The following SLC4A2 variants were observed in gnomAD, a reference collection of about 807,000 sequenced individuals.
SLC4A2 encodes the protein solute carrier family 4 member 2.
In SLC4A2, 36 loss-of-function variants were observed where a neutral mutation model predicts 115.0. That is an observed-to-expected ratio of 0.31 (90% CI 0.24 to 0.41). The LOEUF (loss-of-function observed/expected upper bound fraction) is 0.41. Ranked by LOEUF, SLC4A2 falls within the 10% of genes least tolerant of loss-of-function variation. SLC4A2 has a pLI of 1.00. For missense variants in SLC4A2, 1,252 were observed against 1,705.6 expected, an observed-to-expected ratio of 0.73 and a Z score of 4.68; for synonymous variants, 708 against 708.3, an observed-to-expected ratio of 1.00 and a Z score of 0.01.
Position 151,076,072 on chromosome 7 carries a change from C to G in SLC4A2, c.3531C>G (p.Leu1177=), listed in dbSNP as rs760149951. Residue 1177 remains leucine (L), a synonymous_variant, in exon 22 of 23, where the codon CTC becomes CTG. Coordinates refer to ENST00000413384, the MANE Select transcript of SLC4A2 (RefSeq NM_003040.4). ...TGCAGCTGCTCTGCCTGGCCCTGCT[C>G]TGGGCCGTCATGTCCACAGCTGCCT... The part of the protein sequence containing the change: ...TALQLLCLAL[L]WAVMSTAASL... The G allele has an allele frequency of 6.8e-6, 11 of 1,611,772 alleles. No individual in the cohort carries two copies. In the South Asian group the frequency reaches 1.1e-4, roughly 16 times the overall value.
intron 11 of SLC4A2, 23 bp downstream of exon 11, chr7:151,070,594 AG>A (rs759872526): frequency 1.8e-4 from 288 of 1,606,846 alleles, no homozygotes; most frequent in Non-Finnish European, 2.2e-4. Context: ...GGTCACATGT[AG>A]GGGGCTTGGT....
In SLC4A2 at chr7:151,076,076, G is replaced by A. The variant is rs1256884361; in HGVS notation, c.3535G>A (p.Ala1179Thr). The change falls in exon 22 of 23, where the codon GCC becomes ACC. Residue 1179 changes from alanine to threonine, a missense_variant. Physicochemically the swap from Ala to Thr is moderately conservative, Grantham distance 58. Transcript: ENST00000413384. Reference protein sequence around the residue: ...LQLLCLALLWAVMSTAASLAF... With the variant: ...LQLLCLALLWTVMSTAASLAF... The stretch of plus-strand genomic sequence containing the variant: ...GCTGCTCTGCCTGGCCCTGCTCTGG[G>A]CCGTCATGTCCACAGCTGCCTCCCT... 6.2e-7 allele frequency: 1 copy of A among 1,611,598 alleles called. No homozygotes were observed.
chr7:151,060,678 C>T lies in SLC4A2; in HGVS notation c.-64+916C>T, dbSNP rs1797015209. On this transcript the variant is annotated intron_variant, in intron 1 of 22. Coordinates refer to ENST00000413384, the MANE Select transcript of SLC4A2 (RefSeq NM_003040.4). The surrounding 1 kb of genome is among the most constrained non-coding windows in gnomAD (Gnocchi z 5.9). ...GGCGCCTGCAGGTGCTCTGGGCGGA[C>T]TCTCCCCACACCCTTCCCAGACTGG... is the stretch of plus-strand genomic sequence containing the variant. Among the ~76,000 whole-genome samples the T allele has an allele frequency of 6.6e-6, 1 of 152,134 alleles. No homozygotes were observed. The highest frequency in any genetic ancestry group is 6.5e-5 in the Admixed American group (1 of 15,278).
At chr7:151,065,235 C>G (rs1166233214) in intron 5 of SLC4A2, among the ~76,000 whole-genome samples, 2 of 152,182 alleles carry the variant, frequency 1.3e-5, no homozygotes, top group Non-Finnish European at 2.9e-5. Flanking sequence ...TTTAGCCTGG[C>G]AAAGAACACG....
At chr7:151,072,162 G>A (rs1472656967) in intron 16 of SLC4A2, 26 bp downstream of exon 16, 1 of 1,598,298 alleles carries the variant, frequency 6.3e-7, no homozygotes, top group South Asian at 1.1e-5. Flanking sequence ...CCGAGAGCTG[G>A]GCCAGGAGGG....
At position 151,064,870 on chromosome 7, in the gene SLC4A2, G is replaced by A. The variant is rs775316823; in HGVS notation, c.482G>A (p.Ser161Asn). ...CAGTTCTTTCTCCAAGAGGATGACA[G>A]TGCTGACCGGAAGGCAGAGAGGACC... ...SVQFFLQEDD[S>N]ADRKAERTSP... Residue 161 changes from serine to asparagine, a missense_variant, in exon 5 of 23, where the codon AGT becomes AAT. Ser to Asn is a conservative substitution (Grantham distance 46). Coordinates refer to ENST00000413384, the MANE Select transcript of SLC4A2 (RefSeq NM_003040.4). The A allele has an allele frequency of 4.3e-6, 7 of 1,613,892 alleles. No homozygotes were observed. The highest frequency in any genetic ancestry group is 1.1e-5 in the South Asian group (1 of 91,088).
chr7:151,067,879 T>C lies in SLC4A2; in HGVS notation c.972T>C (p.Phe324=). ...CCTTCTCTTCTCTCCCCAAGGTGTTTGTGGAGCTGAATGAGTTGCTCCTGG... is the reference window on the plus strand; with the variant it reads ...CCTTCTCTTCTCTCCCCAAGGTGTTCGTGGAGCTGAATGAGTTGCTCCTGG... ...PRAPHKPHEV[F]VELNELLLDK... The change falls in exon 8 of 23, where the codon TTT becomes TTC. Residue 324 remains phenylalanine, a synonymous_variant. Coordinates refer to ENST00000413384, the MANE Select transcript of SLC4A2 (RefSeq NM_003040.4). The C allele has an allele frequency of 6.2e-7, 1 of 1,612,254 alleles. No homozygotes were observed. The highest frequency in any genetic ancestry group is 1.1e-5 in the South Asian group (1 of 90,788).
rs895374425 is a variant in SLC4A2, at chr7:151,064,315, G to A, written c.165G>A (p.Gly55=). ...ERFEEILQEA[G]SRGGEEPGRS... ...TTGAGGAGATCCTACAGGAGGCCGG[G>A]TCTCGTGGAGGGGAGGAGCCAGGCC... The change falls in exon 3 of 23, where the codon GGG becomes GGA. Residue 55 remains glycine, a synonymous_variant. Transcript: ENST00000413384. The A allele has an allele frequency of 1.3e-5, 21 of 1,610,534 alleles. No individual in the cohort carries two copies. The highest frequency in any genetic ancestry group is 1.2e-4 in the Admixed American group (7 of 59,758).
Position 151,060,628 on chromosome 7 carries a change from G to T in SLC4A2, c.-64+866G>T, listed in dbSNP as rs1797013461. Among the ~76,000 whole-genome samples the T allele has an allele frequency of 1.3e-5, 2 of 152,160 alleles. No individual in the cohort carries two copies. Among genetic ancestry groups the T allele is most frequent in the South Asian group, 2.1e-4 (1 of 4,830 alleles). On this transcript the variant is annotated intron_variant, in intron 1 of 22. Transcript: ENST00000413384. The surrounding 1 kb of genome is among the most constrained non-coding windows in gnomAD (Gnocchi z 5.9). Reference sequence around the variant, plus strand: ...GCAGAGGAGTGTGGAGGAGCGCGACGAGGGCACAGCCTGAGGTGGGAGTGG... The same window carrying T: ...GCAGAGGAGTGTGGAGGAGCGCGACTAGGGCACAGCCTGAGGTGGGAGTGG...
At position 151,071,827 on chromosome 7, in the gene SLC4A2, C is replaced by G; in HGVS notation, c.2330C>G (p.Ala777Gly). ...FSGPLLVFEE[A>G]FFSFCSSNHL... is the part of the protein sequence containing the mutation. ...GGGCCCCTGCTGGTCTTTGAGGAGG[C>G]CTTCTTCTCGGTGAGGGCTCTTCTC... Residue 777 changes from alanine to glycine, a missense_variant, in exon 15 of 23, where the codon GCC becomes GGC. Coordinates refer to ENST00000413384, the MANE Select transcript of SLC4A2 (RefSeq NM_003040.4). The surrounding 1 kb of genome is among the most constrained non-coding windows in gnomAD (Gnocchi z 5.5). The G allele has an allele frequency of 1.2e-6, 2 of 1,602,712 alleles. No individual in the cohort carries two copies. The highest frequency in any genetic ancestry group is 2.2e-5 in the South Asian group (2 of 90,520).
Position 151,076,427 on chromosome 7 carries a change from T to A in SLC4A2, c.*60T>A. The A allele has an allele frequency of 1.6e-5, 20 of 1,267,280 alleles. No homozygotes were observed. The highest frequency in any genetic ancestry group is 1.9e-5 in the Non-Finnish European group (18 of 943,666). The allele number at this position is 1,267,280 out of a possible 1,614,324, so 78.5% of individuals were successfully genotyped here. ...GAGGGGACAGGCTGGTGGGATGGGG[T>A]TCCCCCTCCCATGCCCCTCCCTCCT... On this transcript the variant is annotated 3_prime_UTR_variant, in exon 23 of 23. Transcript: ENST00000413384.
chr7:151,065,488 G>GT (rs1302201746), intron 5 of SLC4A2, among the ~76,000 whole-genome samples: 1 of 152,208 alleles, frequency 6.6e-6, no homozygotes, highest in Non-Finnish European at 1.5e-5. Context: ...CCAGTGGCTG[G>GT]TTCAGGCAAA....
chr7:151,061,771 TC>T (rs1274817541), intron 1 of SLC4A2, 153 bp from the exon 2 acceptor site: 1 of 560,054 alleles, frequency 1.8e-6, no homozygotes, highest in Non-Finnish European at 3.2e-6. Context: ...TCTCTTTTCT[TC>T]CTATAAATAA....
chr7:151,070,813 G>A lies in SLC4A2; in HGVS notation c.1651G>A (p.Val551Met). ...GTTGGACGCAGTGTTGGAGGTGCCG[G>A]TGCCTGTGCGTTTCCTCTTCCTGCT... ...VELDAVLEVP[V>M]PVRFLFLLLG... is the part of the protein sequence containing the mutation. Residue 551 changes from valine (V) to methionine (M), a missense_variant, in exon 12 of 23, where the codon GTG (valine) becomes ATG (methionine). Val to Met is a conservative substitution (Grantham distance 21). This residue lies in a region of SLC4A2 where 87 missense variants were observed against 170.3 expected (regional missense o/e 0.51). Coordinates refer to ENST00000413384, the MANE Select transcript of SLC4A2 (RefSeq NM_003040.4). The A allele has an allele frequency of 6.2e-7, 1 of 1,613,964 alleles. No individual in the cohort carries two copies. The highest frequency in any genetic ancestry group is 1.7e-5 in the Admixed American group (1 of 60,030).
Position 151,076,016 on chromosome 7 carries a change from C to A in SLC4A2, c.3475C>A (p.Arg1159=). 6.2e-7 allele frequency: 1 copy of A among 1,600,994 alleles called. No homozygotes were observed. The change falls in exon 22 of 23, where the codon CGG becomes AGG. Residue 1159 remains arginine (R), a synonymous_variant. Coordinates refer to ENST00000413384, the MANE Select transcript of SLC4A2 (RefSeq NM_003040.4). ...CTCACCTGTCTCCGCCCCCCAGGTC[C>A]GGACCCTCCGTATGCACCTGTTCAC... ...HPDVTYVKKV[R]TLRMHLFTAL...
At chr7:151,074,649 G>T in intron 18 of SLC4A2, 26 bp from the exon 19 acceptor site, 1 of 1,583,846 alleles carries the variant, frequency 6.3e-7, no homozygotes. Flanking sequence ...CTTAACCCTT[G>T]TCCCTACACT....
chr7:151,067,042 G>T, intron 7 of SLC4A2, 49 bp downstream of exon 7: 1 of 1,519,830 alleles, frequency 6.6e-7, no homozygotes, highest in Admixed American at 2.1e-5. Context: ...ACACGACCCT[G>T]CCCCTACCTC....
Position 151,076,075 on chromosome 7 carries a change from G to A in SLC4A2, c.3534G>A (p.Trp1178Ter). The A allele has an allele frequency of 6.2e-7, 1 of 1,611,604 alleles. No homozygotes were observed. Among genetic ancestry groups the A allele is most frequent in the Non-Finnish European group, 8.5e-7 (1 of 1,179,942 alleles). Residue 1178 changes from tryptophan to a stop codon, truncating the protein, a stop_gained, in exon 22 of 23, where the codon TGG becomes TGA. Transcript: ENST00000413384. LOFTEE classifies it high-confidence loss of function. ...ALQLLCLALL[W>*]AVMSTAASLA... is the part of the protein sequence containing the mutation. ...AGCTGCTCTGCCTGGCCCTGCTCTG[G>A]GCCGTCATGTCCACAGCTGCCTCCC... is the stretch of plus-strand genomic sequence containing the variant.
intron 16 of SLC4A2, among the ~76,000 whole-genome samples, chr7:151,073,289 T>G (rs866509287): frequency 1.8e-4 from 25 of 140,906 alleles, no homozygotes; most frequent in African/African-American, 4.9e-4. Context: ...TTATTTTATT[T>G]GTTTATTTGT....
Sources: gnomAD v4.1 joint callset for allele counts (sites outside exome capture counted in the v4.1 genomes callset) on GRCh38, gnomAD v4.1.1 for gene constraint, gnomAD v4.1.1 regional missense constraint, Gnocchi (gnomAD v3.1) non-coding constraint, MANE v1.5 for transcripts, NCBI Gene and HGNC (gene_info 2026-07-23, HGNC 2026-07-21) for gene names.